The following AGPS variants were observed in gnomAD, a reference collection of about 807,000 sequenced individuals.
The protein encoded by AGPS is alkylglycerone phosphate synthase, also known as alkyldihydroxyacetonephosphate synthase, peroxisomal.
AGPS carries 26 observed loss-of-function variants against 90.7 expected under a neutral mutation model. The ratio of observed to expected loss-of-function variants is 0.29; its 90% CI spans 0.21 to 0.40. AGPS has a LOEUF of 0.40. AGPS is among the 10% of genes least tolerant of loss of function. AGPS has a pLI of 1.00. For missense variants in AGPS, 540 were observed against 816.1 expected (o/e 0.66, Z 4.12); for synonymous variants, 294 against 285.3 (o/e 1.03, Z -0.31).
intron 2 of AGPS, among the ~76,000 whole-genome samples, chr2:177,432,564 T>C (rs1686274228): frequency 6.6e-6 from 1 of 152,254 alleles, no homozygotes; most frequent in South Asian, 2.1e-4. Flanking sequence ...TTCTGAGTGT[T>C]AAATAAATAT....
chr2:177,526,227 C>CT (rs749224337), intron 19 of AGPS, among the ~76,000 whole-genome samples: 5,379 of 124,260 alleles, frequency 0.043, 400 homozygotes, highest in African/African-American at 0.14. Context: ...AGCTTCTTGT[C>CT]TTTTTTTTTT....
chr2:177,519,287 C>T (rs921774054), intron 17 of AGPS, among the ~76,000 whole-genome samples: 13 of 151,914 alleles, frequency 8.6e-5, no homozygotes, highest in Non-Finnish European at 1.9e-4. Flanking sequence ...TTTGTTTTAC[C>T]TAGAACAATA....
intron 1 of AGPS, among the ~76,000 whole-genome samples, chr2:177,406,347 G>A (rs544335557): frequency 6.6e-6 from 1 of 152,368 alleles, no homozygotes; most frequent in South Asian, 2.1e-4. Context: ...TTGACAGTCA[G>A]TGGAGATATA....
chr2:177,438,820 CA>C (rs1342055812), intron 5 of AGPS, among the ~76,000 whole-genome samples: 3 of 152,132 alleles, frequency 2.0e-5, no homozygotes, highest in Admixed American at 6.5e-5. Flanking sequence ...AGTTTCCCGA[CA>C]AGTTATTAAG....
rs200095312 is a variant in AGPS at position 177,468,430 on chromosome 2, A to G, written c.1011A>G (p.Lys337=). 2.6e-5 allele frequency: 42 copies of G among 1,609,496 alleles called. No homozygotes were observed. The highest frequency in any genetic ancestry group is 1.5e-4 in the Admixed American group (9 of 59,986). ...GNIEDLVVHI[K]MVTPRGIIEK... ...GTATTAAACAGGTGGTTCATATAAA[A>G]ATGGTAACACCTAGAGGTATAATAG... The change falls in exon 10 of 20, where the codon AAA becomes AAG. Residue 337 remains lysine (K), a synonymous_variant. Coordinates refer to ENST00000264167, the MANE Select transcript of AGPS (RefSeq NM_003659.4).
intron 19 of AGPS, among the ~76,000 whole-genome samples, chr2:177,537,311 C>G (rs1030102629): frequency 6.6e-6 from 1 of 151,996 alleles, no homozygotes; most frequent in African/African-American, 2.4e-5. Flanking sequence ...TGCTGCTAAC[C>G]ATTATGTTAC....
intron 5 of AGPS, among the ~76,000 whole-genome samples, chr2:177,439,537 A>G (rs1204462634): frequency 6.6e-6 from 1 of 152,238 alleles, no homozygotes. Context: ...AGCAAGCTTT[A>G]TAAGTTTAAT....
At chr2:177,533,936 T>A (rs2079161095) in intron 19 of AGPS, among the ~76,000 whole-genome samples, 1 of 152,242 alleles carries the variant, frequency 6.6e-6, no homozygotes, top group Non-Finnish European at 1.5e-5. Context: ...AATGGTTAGA[T>A]GCTTTTTGCT....
intron 9 of AGPS, among the ~76,000 whole-genome samples, chr2:177,463,191 C>T (rs1231418408): frequency 6.6e-6 from 1 of 151,990 alleles, no homozygotes; most frequent in East Asian, 1.9e-4. Context: ...CTCTGGGCAC[C>T]CTAGTTAGGG....
At chr2:177,456,398 C>T (rs888652288) in intron 8 of AGPS, among the ~76,000 whole-genome samples, 3 of 152,144 alleles carry the variant, frequency 2.0e-5, no homozygotes, top group African/African-American at 2.4e-5. Flanking sequence ...TGGTATACTG[C>T]GGTATGCAAA....
At chr2:177,438,638 G>A (rs987105817) in intron 5 of AGPS, among the ~76,000 whole-genome samples, 12 of 151,850 alleles carry the variant, frequency 7.9e-5, no homozygotes, top group Non-Finnish European at 1.3e-4. Flanking sequence ...TTTTCATGCC[G>A]CATGTTTCTT....
rs914828639 is a variant in AGPS, at chr2:177,537,925, G to T, written c.1856-149G>T. ...TGGGCTTAATGAGCTTGATAGTCTG[G>T]TGGGCTCAATAAATCAAATAAAGCA... is the stretch of plus-strand genomic sequence containing the variant. On this transcript the variant is annotated intron_variant, in intron 19 of 19. Coordinates refer to ENST00000264167, the MANE Select transcript of AGPS (RefSeq NM_003659.4). 86 of 1,080,748 alleles carry T rather than the reference G, an allele frequency of 8.0e-5. No individual in the cohort carries two copies. In the African/African-American group the frequency reaches 1.2e-3, roughly 15 times the overall value. 66.9% of individuals were successfully genotyped at this position (1,080,748 alleles called of 1,614,324 possible).
chr2:177,438,121 C>T (rs1242932036), intron 5 of AGPS, among the ~76,000 whole-genome samples: 2 of 152,128 alleles, frequency 1.3e-5, no homozygotes, highest in African/African-American at 2.4e-5. Context: ...AGGTTTATTC[C>T]ATTTATTACT....
intron 1 of AGPS, 64 bp from the exon 2 acceptor site, chr2:177,420,205 A>AT (rs1467124482): frequency 9.9e-7 from 1 of 1,013,604 alleles, no homozygotes; most frequent in African/African-American, 1.6e-5. Flanking sequence ...ATAATCAATG[A>AT]TATACTGTAC....
chr2:177,421,652 G>A (rs1685945643), intron 2 of AGPS, among the ~76,000 whole-genome samples: 1 of 152,044 alleles, frequency 6.6e-6, no homozygotes, highest in Non-Finnish European at 1.5e-5. Flanking sequence ...TGTAATTCAG[G>A]TAGAAGGGAT....
intron 12 of AGPS, among the ~76,000 whole-genome samples, chr2:177,494,471 C>T (rs928147270): frequency 1.3e-5 from 2 of 152,044 alleles, no homozygotes; most frequent in Non-Finnish European, 2.9e-5. Flanking sequence ...TAAAGAGAGC[C>T]ATGCATCTAA....
At chr2:177,476,789 A>G (rs1356797245) in intron 10 of AGPS, among the ~76,000 whole-genome samples, 2 of 151,500 alleles carry the variant, frequency 1.3e-5, no homozygotes, top group Non-Finnish European at 2.9e-5. Flanking sequence ...TGAATTATCT[A>G]TTTCTCCCTT....
chr2:177,438,643 T>A (rs1483154126), intron 5 of AGPS, among the ~76,000 whole-genome samples: 2 of 152,174 alleles, frequency 1.3e-5, no homozygotes, highest in African/African-American at 2.4e-5. Flanking sequence ...ATGCCGCATG[T>A]TTCTTGCCCC....
intron 8 of AGPS, among the ~76,000 whole-genome samples, chr2:177,454,672 G>A (rs760515734): frequency 4.0e-5 from 6 of 150,980 alleles, no homozygotes; most frequent in Admixed American, 6.6e-5. Context: ...TGTGAATTTC[G>A]ATGTTTTTCA....
Sources: allele counts gnomAD v4.1 joint callset (sites outside exome capture counted in the v4.1 genomes callset), GRCh38; gene constraint gnomAD v4.1.1; transcripts MANE v1.5; gene names NCBI Gene and HGNC (gene_info 2026-07-23, HGNC 2026-07-21).